FARS2: variants seen among roughly 807,000 people sequenced by gnomAD.
FARS2 encodes phenylalanyl-tRNA synthetase 2, mitochondrial, also known as phenylalanine--tRNA ligase, mitochondrial.
In FARS2, 40 loss-of-function variants were observed where a neutral mutation model predicts 46.4. The ratio of observed to expected loss-of-function variants is 0.86; its 90% CI spans 0.67 to 1.12. The LOEUF (loss-of-function observed/expected upper bound fraction) is 1.12, where lower values mean the gene tolerates loss of function less well. Among genes scored for constraint, FARS2 ranks in the 50% most tolerant of loss-of-function variants. The pLI is 0.00. For missense variants in FARS2, 513 were observed against 567.9 expected (o/e 0.90, Z 0.98); for synonymous variants, 234 against 214.9 (o/e 1.09, Z -0.78).
chr6:5,375,263 A>G (rs1287017587), intron 2 of FARS2, among the ~76,000 whole-genome samples: 2 of 152,128 alleles, frequency 1.3e-5, no homozygotes, highest in Non-Finnish European at 2.9e-5. Context: ...TAATGTTTTT[A>G]TCCATAAGTA....
chr6:5,681,419 A>G (rs1298661854), intron 6 of FARS2, among the ~76,000 whole-genome samples: 1 of 152,254 alleles, frequency 6.6e-6, no homozygotes, highest in Non-Finnish European at 1.5e-5. Context: ...AGAGCGGGAC[A>G]GCAGATCCAG....
chr6:5,735,894 C>G (rs1045129221), intron 6 of FARS2, among the ~76,000 whole-genome samples: 1 of 152,204 alleles, frequency 6.6e-6, no homozygotes, highest in Non-Finnish European at 1.5e-5. Flanking sequence ...TGATGCTCTT[C>G]TTTTAGGAAA....
chr6:5,684,104 G>C (rs960489613), intron 6 of FARS2, among the ~76,000 whole-genome samples: 4 of 152,156 alleles, frequency 2.6e-5, no homozygotes, highest in African/African-American at 9.7e-5. Context: ...TCAGAACGCG[G>C]TTTCTTGTAT....
chr6:5,503,850 T>C (rs1035087386), intron 4 of FARS2, among the ~76,000 whole-genome samples: 9 of 152,216 alleles, frequency 5.9e-5, no homozygotes, highest in African/African-American at 7.2e-5. Flanking sequence ...TTTAGAAATA[T>C]GTCAGCCTTT....
chr6:5,709,680 G>A (rs1758990140), intron 6 of FARS2, among the ~76,000 whole-genome samples: 1 of 27,224 alleles, frequency 3.7e-5, no homozygotes, highest in Non-Finnish European at 1.0e-4. Context: ...GGGTGTGTGT[G>A]TGTGTGTGTG....
intron 6 of FARS2, among the ~76,000 whole-genome samples, chr6:5,719,607 T>A (rs1759757787): frequency 6.6e-6 from 1 of 152,112 alleles, no homozygotes; most frequent in African/African-American, 2.4e-5. Flanking sequence ...TCGTGAGGCC[T>A]CAACTCTCTG....
intron 1 of FARS2, among the ~76,000 whole-genome samples, chr6:5,312,084 A>G (rs376048053): frequency 6.6e-6 from 1 of 152,196 alleles, no homozygotes; most frequent in East Asian, 1.9e-4. Context: ...CATGTGTAGA[A>G]TGTCTGAAAC....
the FARS2 span, among the ~76,000 whole-genome samples, chr6:5,250,428 A>G: frequency 6.6e-6 from 1 of 152,170 alleles, no homozygotes; most frequent in East Asian, 1.9e-4. Context: ...TTCTCAATCT[A>G]AATATCTTAA....
At chr6:5,372,718 C>A (rs1759134897) in intron 2 of FARS2, among the ~76,000 whole-genome samples, 1 of 152,060 alleles carries the variant, frequency 6.6e-6, no homozygotes, top group Admixed American at 6.5e-5. Context: ...TGTGGGGAAC[C>A]ATAGTCACTT....
At chr6:5,437,346 A>C (rs1187592185) in intron 4 of FARS2, among the ~76,000 whole-genome samples, 2 of 152,118 alleles carry the variant, frequency 1.3e-5, no homozygotes, top group African/African-American at 4.8e-5. Flanking sequence ...GTGTTCTATA[A>C]ATGTCAGTTA....
chr6:5,315,387 C>T (rs547724668), intron 1 of FARS2, among the ~76,000 whole-genome samples: 8 of 152,164 alleles, frequency 5.3e-5, no homozygotes, highest in Non-Finnish European at 1.0e-4. Flanking sequence ...TAAAGAACTC[C>T]ACAGTGAAAT....
At chr6:5,697,809 C>T (rs1758194273) in intron 6 of FARS2, among the ~76,000 whole-genome samples, 1 of 152,180 alleles carries the variant, frequency 6.6e-6, no homozygotes, top group African/African-American at 2.4e-5. Context: ...GCCCTGTGAA[C>T]TCTCCTTGGT....
intron 6 of FARS2, among the ~76,000 whole-genome samples, chr6:5,716,213 A>T (rs1759483728): frequency 6.6e-6 from 1 of 152,176 alleles, no homozygotes; most frequent in Non-Finnish European, 1.5e-5. Flanking sequence ...TGCTATCACT[A>T]CCTTAAAAAA....
At chr6:5,659,008 G>A (rs1777726469) in intron 6 of FARS2, among the ~76,000 whole-genome samples, 1 of 152,220 alleles carries the variant, frequency 6.6e-6, no homozygotes, top group Non-Finnish European at 1.5e-5. Flanking sequence ...TGTATTGGGA[G>A]ACTTTGATGC....
At chr6:5,292,154 CAT>C (rs1246525880) in intron 1 of FARS2, among the ~76,000 whole-genome samples, 8 of 152,060 alleles carry the variant, frequency 5.3e-5, no homozygotes, top group African/African-American at 1.7e-4. Context: ...TTGTATGACA[CAT>C]GTGTCTGTAT....
At chr6:5,684,121 C>CTCAGAAAAG (rs1779174110) in intron 6 of FARS2, among the ~76,000 whole-genome samples, 1 of 152,078 alleles carries the variant, frequency 6.6e-6, no homozygotes, top group African/African-American at 2.4e-5. Context: ...GTATACCTGC[C>CTCAGAAAAG]CGGCTTGCCT....
At chr6:5,545,419 C>T in intron 5 of FARS2, 79 bp downstream of exon 5, 1 of 1,084,346 alleles carries the variant, frequency 9.2e-7, no homozygotes, top group Non-Finnish European at 1.3e-6. Context: ...ACTTGAAAGC[C>T]ACTGAATTTT....
At chr6:5,756,421 AG>A (rs1161148046) in intron 6 of FARS2, among the ~76,000 whole-genome samples, 3 of 152,230 alleles carry the variant, frequency 2.0e-5, no homozygotes, top group Admixed American at 1.3e-4. Flanking sequence ...CTGTACAGGA[AG>A]CATGGCCGGG....
chr6:5,296,436 T>C (rs984602369), intron 1 of FARS2, among the ~76,000 whole-genome samples: 79 of 152,298 alleles, frequency 5.2e-4, no homozygotes, highest in African/African-American at 1.7e-3. Flanking sequence ...CCACTGTGCC[T>C]GGCCTATTTT....
Sources: gnomAD v4.1 joint callset for allele counts (sites outside exome capture counted in the v4.1 genomes callset) on GRCh38, gnomAD v4.1.1 for gene constraint, MANE v1.5 for transcripts, NCBI Gene and HGNC (gene_info 2026-07-23, HGNC 2026-07-21) for gene names.